Variants in NDUFAF2 observed in about 807,000 individuals in gnomAD.
The protein encoded by NDUFAF2 is NADH:ubiquinone oxidoreductase complex assembly factor 2.
In NDUFAF2, 13 loss-of-function variants were observed where a neutral mutation model predicts 22.8. The ratio of observed to expected loss-of-function variants is 0.57; its 90% CI spans 0.37 to 0.91. The LOEUF (loss-of-function observed/expected upper bound fraction) is 0.91, where lower values mean the gene tolerates loss of function less well. NDUFAF2 is among the 40% of genes least tolerant of loss of function. The probability of loss-of-function intolerance (pLI) is 0.01; values close to 1 mark genes in which losing one functional copy is unlikely to be tolerated. For synonymous variants in NDUFAF2, 53 were observed against 64.2 expected (o/e 0.83, Z 0.84); for missense variants, 162 against 195.2 (o/e 0.83, Z 1.01).
At chr5:60,957,338 T>G (rs1277719592) in intron 1 of NDUFAF2, among the ~76,000 whole-genome samples, 1 of 152,168 alleles carries the variant, frequency 6.6e-6, no homozygotes, top group Non-Finnish European at 1.5e-5. Flanking sequence ...CATTTCAGTA[T>G]GTATCTTTTA....
chr5:61,147,812 G>A (rs1031672182), intron 3 of NDUFAF2, among the ~76,000 whole-genome samples: 1 of 152,074 alleles, frequency 6.6e-6, no homozygotes, highest in Non-Finnish European at 1.5e-5. Context: ...CCAATAAGCT[G>A]TACTCTCGTG....
At chr5:61,023,013 A>C (rs576370136) in intron 1 of NDUFAF2, among the ~76,000 whole-genome samples, 1 of 152,056 alleles carries the variant, frequency 6.6e-6, no homozygotes, top group South Asian at 2.1e-4. Context: ...TAATTTATTT[A>C]TTCTGATTTT....
intron 3 of NDUFAF2, among the ~76,000 whole-genome samples, chr5:61,133,866 A>G (rs1452834652): frequency 1.3e-5 from 2 of 152,244 alleles, no homozygotes; most frequent in Non-Finnish European, 2.9e-5. Flanking sequence ...AGGGCAGGCA[A>G]AAACCTATTT....
At chr5:61,064,995 A>G (rs1197429290) in intron 1 of NDUFAF2, among the ~76,000 whole-genome samples, 1 of 152,002 alleles carries the variant, frequency 6.6e-6, no homozygotes, top group African/African-American at 2.4e-5. Flanking sequence ...AAAAAATTCA[A>G]ACAAAATAAA....
chr5:61,046,939 A>G (rs976151581), intron 1 of NDUFAF2, among the ~76,000 whole-genome samples: 5 of 152,096 alleles, frequency 3.3e-5, no homozygotes, highest in Admixed American at 2.0e-4. Flanking sequence ...TTCTCTTTTG[A>G]TCTTTCTACC....
intron 3 of NDUFAF2, among the ~76,000 whole-genome samples, chr5:61,133,340 G>C (rs1281127208): frequency 6.6e-6 from 1 of 152,164 alleles, no homozygotes; most frequent in Non-Finnish European, 1.5e-5. Flanking sequence ...TCCTAAGTTA[G>C]GAAGTCCTTA....
rs75491351 is a variant in NDUFAF2 at position 61,097,653 on chromosome 5, A to C, written c.218-1339A>C. ...AGTCGCTAATTATATGGCATTAGGA[A>C]AGTTTCTTAATCTCTCTGGGCCTCA... On this transcript the variant is annotated intron_variant, in intron 2 of 3. Transcript: ENST00000296597. Among the ~76,000 whole-genome samples the C allele has an allele frequency of 8.7e-3, 1,329 of 152,340 alleles. 22 individuals carry two copies. The highest frequency in any genetic ancestry group is 0.031 in the African/African-American group (1,274 of 41,578).
At chr5:61,052,944 A>G (rs1430039423) in intron 1 of NDUFAF2, among the ~76,000 whole-genome samples, 2 of 152,264 alleles carry the variant, frequency 1.3e-5, no homozygotes, top group Non-Finnish European at 1.5e-5. Flanking sequence ...GGATACACAA[A>G]CTACCTTTAG....
intron 1 of NDUFAF2, among the ~76,000 whole-genome samples, chr5:60,945,929 C>T (rs1217749287): frequency 6.6e-6 from 1 of 152,192 alleles, no homozygotes; most frequent in Admixed American, 6.5e-5. Context: ...TGGCCCCATG[C>T]GCCTTCCTTA....
At chr5:61,004,609 T>C (rs1751341305) in intron 1 of NDUFAF2, among the ~76,000 whole-genome samples, 1 of 152,104 alleles carries the variant, frequency 6.6e-6, no homozygotes, top group Non-Finnish European at 1.5e-5. Context: ...CTGAGTAAAT[T>C]TAAGTCTACT....
At chr5:61,072,598 T>C (rs1752313774) in intron 1 of NDUFAF2, among the ~76,000 whole-genome samples, 1 of 152,106 alleles carries the variant, frequency 6.6e-6, no homozygotes, top group Non-Finnish European at 1.5e-5. Flanking sequence ...ATTTATCTAT[T>C]TATTTATTTA....
At chr5:61,125,185 T>C (rs1753022037) in intron 3 of NDUFAF2, among the ~76,000 whole-genome samples, 1 of 152,098 alleles carries the variant, frequency 6.6e-6, no homozygotes, top group African/African-American at 2.4e-5. Flanking sequence ...TTCTTTTTTC[T>C]ACATTCCCTT....
intron 1 of NDUFAF2, among the ~76,000 whole-genome samples, chr5:61,031,057 G>T (rs1290242723): frequency 2.6e-5 from 4 of 152,012 alleles, no homozygotes; most frequent in African/African-American, 9.7e-5. Flanking sequence ...GTTTTATATA[G>T]ACTCCTTGAG....
intron 1 of NDUFAF2, among the ~76,000 whole-genome samples, chr5:60,971,751 T>A (rs1206143303): frequency 6.6e-6 from 1 of 152,108 alleles, no homozygotes. Flanking sequence ...CTGACAATGA[T>A]GGTTTCCAGC....
rs377645264 is a variant in NDUFAF2, at chr5:60,967,622, T to C, written c.127+22240T>C. ...TGATCATATGGTTTTTGTCCTTCAT[T>C]CTGTTATTATAGTTTATCACATTTA... On this transcript the variant is annotated intron_variant, in intron 1 of 3. Coordinates refer to ENST00000296597, the MANE Select transcript of NDUFAF2 (RefSeq NM_174889.5). Among the ~76,000 whole-genome samples the C allele has an allele frequency of 7.9e-4, 120 of 152,080 alleles. 1 individual carries two copies. The highest frequency in any genetic ancestry group is 3.7e-3 in the South Asian group (18 of 4,828).
chr5:61,060,624 G>A (rs1199427492), intron 1 of NDUFAF2, among the ~76,000 whole-genome samples: 1 of 152,068 alleles, frequency 6.6e-6, no homozygotes, highest in African/African-American at 2.4e-5. Context: ...TGTCAGGTTT[G>A]CTTATATACA....
chr5:61,043,065 C>G (rs943541970), intron 1 of NDUFAF2, among the ~76,000 whole-genome samples: 1 of 152,070 alleles, frequency 6.6e-6, no homozygotes, highest in African/African-American at 2.4e-5. Context: ...ACTAACAATA[C>G]AAAAATTAGC....
intron 1 of NDUFAF2, among the ~76,000 whole-genome samples, chr5:60,986,706 A>C (rs1000852201): frequency 6.6e-6 from 1 of 152,018 alleles, no homozygotes; most frequent in Non-Finnish European, 1.5e-5. Context: ...TGAGGTGGGC[A>C]GATCACAGGG....
chr5:61,087,503 A>G (rs1230321063), intron 2 of NDUFAF2, among the ~76,000 whole-genome samples: 1 of 152,212 alleles, frequency 6.6e-6, no homozygotes, highest in Non-Finnish European at 1.5e-5. Context: ...AACAAAACTG[A>G]CAATACATTC....
Sources: allele counts gnomAD v4.1 joint callset (sites outside exome capture counted in the v4.1 genomes callset), GRCh38; gene constraint gnomAD v4.1.1; transcripts MANE v1.5; gene names NCBI Gene and HGNC (gene_info 2026-07-23, HGNC 2026-07-21).